Variants in NUMB observed in about 807,000 individuals in gnomAD.
NUMB encodes the protein protein numb homolog.
In NUMB, 29 loss-of-function variants were observed where a neutral mutation model predicts 59.7. The ratio of observed to expected loss-of-function variants is 0.49; its 90% CI spans 0.36 to 0.66. The LOEUF (loss-of-function observed/expected upper bound fraction) is 0.66, where lower values mean the gene tolerates loss of function less well. Among genes scored for constraint, NUMB ranks in the 30% least tolerant of loss-of-function variants. NUMB has a pLI of 0.00. For missense variants in NUMB, 723 were observed against 822.0 expected (o/e 0.88, Z 1.47); for synonymous variants, 288 against 288.2 (o/e 1.00, Z 0.01).
intron 1 of NUMB, among the ~76,000 whole-genome samples, chr14:73,444,488 A>C (rs1264763971): frequency 2.0e-5 from 3 of 152,160 alleles, no homozygotes; most frequent in African/African-American, 7.2e-5. Flanking sequence ...AAAATAATCA[A>C]AACACAACCA....
chr14:73,385,495 C>CTTTTTTTTTTTTT (rs1566773092), intron 2 of NUMB, among the ~76,000 whole-genome samples: 1 of 67,546 alleles, frequency 1.5e-5, no homozygotes, highest in Non-Finnish European at 2.8e-5. Flanking sequence ...TGGCTAGTGG[C>CTTTTTTTTTTTTT]CTTTTTTTTT....
chr14:73,435,125 A>C (rs1897995217), intron 1 of NUMB, among the ~76,000 whole-genome samples: 1 of 152,214 alleles, frequency 6.6e-6, no homozygotes, highest in South Asian at 2.1e-4. Flanking sequence ...ATGCCACTTT[A>C]TACTCACTAG....
At chr14:73,346,109 C>T (rs1892903362) in intron 4 of NUMB, among the ~76,000 whole-genome samples, 1 of 152,002 alleles carries the variant, frequency 6.6e-6, no homozygotes, top group South Asian at 2.1e-4. Context: ...TGGGATCTCA[C>T]TTTGAGAAGC....
intron 8 of NUMB, among the ~76,000 whole-genome samples, chr14:73,291,006 A>G (rs182909146): frequency 1.3e-5 from 2 of 152,318 alleles, no homozygotes; most frequent in Admixed American, 1.3e-4. Flanking sequence ...CTATTTTAAA[A>G]CAAAACTTCT....
chr14:73,407,645 C>T (rs182971097), intron 2 of NUMB, among the ~76,000 whole-genome samples: 1 of 152,046 alleles, frequency 6.6e-6, no homozygotes, highest in Non-Finnish European at 1.5e-5. Context: ...AGTGCTGAAC[C>T]GACTCTGTTA....
chr14:73,399,769 C>A (rs1172392504), intron 2 of NUMB, among the ~76,000 whole-genome samples: 1 of 151,900 alleles, frequency 6.6e-6, no homozygotes, highest in East Asian at 1.9e-4. Flanking sequence ...ACAGGCCAGG[C>A]ATGGTGGCTC....
At chr14:73,411,915 T>C (rs1272303607) in intron 1 of NUMB, among the ~76,000 whole-genome samples, 1 of 138,176 alleles carries the variant, frequency 7.2e-6, no homozygotes, top group Non-Finnish European at 1.5e-5. Context: ...CAAGCAGCAA[T>C]TAACTTTTTT....
chr14:73,297,695 T>C (rs1285666143), intron 6 of NUMB: 2 of 161,894 alleles, frequency 1.2e-5, no homozygotes, highest in Non-Finnish European at 1.3e-5. Flanking sequence ...CAAGTGTATT[T>C]AGAGCAGGAA....
At chr14:73,311,290 G>A (rs1031451845) in intron 6 of NUMB, among the ~76,000 whole-genome samples, 1 of 152,090 alleles carries the variant, frequency 6.6e-6, no homozygotes, top group African/African-American at 2.4e-5. Flanking sequence ...TCCTGACCTC[G>A]TGATCCACCT....
intron 1 of NUMB, among the ~76,000 whole-genome samples, chr14:73,434,234 C>G (rs185024382): frequency 6.6e-6 from 1 of 152,278 alleles, no homozygotes; most frequent in Admixed American, 6.5e-5. Flanking sequence ...GCCAAACTAT[C>G]TAGGTTTGAA....
At chr14:73,314,991 C>T (rs1462804172) in intron 6 of NUMB, among the ~76,000 whole-genome samples, 1 of 151,982 alleles carries the variant, frequency 6.6e-6, no homozygotes, top group Non-Finnish European at 1.5e-5. Context: ...ATTCTAAGGA[C>T]CTATTAATCT....
In NUMB at chr14:73,352,473, CACACATATATATATATATATAT is replaced by C. The variant is rs1893395393; in HGVS notation, c.126+3131_126+3152del. ...ACACACACACATACACACACACACA[CACACATATATATATATATATAT>C]ATATATATATATATATATATATATA... is the stretch of plus-strand genomic sequence containing the variant. On this transcript the variant is annotated intron_variant, in intron 4 of 12. Transcript: ENST00000555238. Among the ~76,000 whole-genome samples the C allele has an allele frequency of 5.0e-3, 103 of 20,456 alleles. 22 individuals are homozygous for C. Among genetic ancestry groups the C allele is most frequent in the East Asian group, 0.018 (17 of 970 alleles). The allele number at this position is 20,456 out of a possible 152,430, so 13.4% of individuals were successfully genotyped here.
chr14:73,381,102 T>C (rs1173066615), intron 2 of NUMB, among the ~76,000 whole-genome samples: 1 of 152,178 alleles, frequency 6.6e-6, no homozygotes, highest in East Asian at 1.9e-4. Context: ...TTCAGAGATA[T>C]TAAATAACTG....
intron 1 of NUMB, among the ~76,000 whole-genome samples, chr14:73,433,288 G>A (rs909508742): frequency 1.3e-5 from 2 of 152,084 alleles, no homozygotes; most frequent in African/African-American, 4.8e-5. Flanking sequence ...TGGGCATGGT[G>A]GTGCATGCCT....
chr14:73,370,457 C>T (rs1026767824), intron 2 of NUMB, among the ~76,000 whole-genome samples: 22 of 152,056 alleles, frequency 1.4e-4, no homozygotes, highest in African/African-American at 5.1e-4. Context: ...TTTGGGAGGC[C>T]GAGGTGGGTG....
At chr14:73,375,579 G>A (rs1894910619) in intron 2 of NUMB, among the ~76,000 whole-genome samples, 3 of 152,082 alleles carry the variant, frequency 2.0e-5, no homozygotes, top group Admixed American at 2.0e-4. Context: ...CAACATATAT[G>A]CCATTTTTCA....
chr14:73,299,597 TATG>T (rs1286519372), intron 6 of NUMB, among the ~76,000 whole-genome samples: 7 of 149,000 alleles, frequency 4.7e-5, no homozygotes, highest in East Asian at 1.9e-4. Context: ...ATGTCATATA[TATG>T]ATATGACATA....
chr14:73,357,039 C>A, intron 3 of NUMB: 1 of 965,808 alleles, frequency 1.0e-6, no homozygotes, highest in Non-Finnish European at 1.2e-6. Flanking sequence ...GAATGCCTTT[C>A]CATATCGATA....
chr14:73,352,530 G>GGTTTT (rs1555373807), intron 4 of NUMB, among the ~76,000 whole-genome samples: 1,723 of 20,294 alleles, frequency 0.085, 399 homozygotes, highest in Middle Eastern at 0.23. Context: ...ATATATATAT[G>GGTTTT]TTTTTTTTTT....
Sources: allele counts gnomAD v4.1 joint callset (sites outside exome capture counted in the v4.1 genomes callset), GRCh38; gene constraint gnomAD v4.1.1; transcripts MANE v1.5; gene names NCBI Gene and HGNC (gene_info 2026-07-23, HGNC 2026-07-21).